The following CDKL5 variants were observed in gnomAD, a reference collection of about 807,000 sequenced individuals.
CDKL5 encodes cyclin-dependent kinase-like 5.
Under a neutral mutation model 61.7 loss-of-function variants are expected in CDKL5, and 8 were observed. The observed-to-expected ratio is 0.13, with a 90% CI of 0.08 to 0.23. The LOEUF (loss-of-function observed/expected upper bound fraction) is 0.23. CDKL5 is among the 10% of genes least tolerant of loss of function. CDKL5 has a pLI of 1.00. For synonymous variants in CDKL5, 275 were observed against 272.3 expected (o/e 1.01, Z -0.10); for missense variants, 440 against 734.5 (o/e 0.60, Z 4.63).
chrX:18,434,117 C>T (rs1427578144), intron 1 of CDKL5, among the ~76,000 whole-genome samples: 2 of 111,713 alleles, frequency 1.8e-5, no homozygotes, highest in Non-Finnish European at 3.8e-5. Context: ...AGCTTAGGAA[C>T]GGGAAGTCTC....
rs756046821 is a variant in CDKL5 at position 18,639,755 on chromosome X, A to G, written c.*10998A>G. ...AGAGTGGAAACCCAAATATCCATCA[A>G]TGGATGAATGGATAAATAACAATGT... On this transcript the variant is annotated 3_prime_UTR_variant, in exon 18 of 18. Coordinates refer to ENST00000623535, the MANE Select transcript of CDKL5 (RefSeq NM_001323289.2). Among the ~76,000 whole-genome samples the G allele has an allele frequency of 8.9e-6, 1 of 112,445 alleles. No homozygotes were observed. The highest frequency in any genetic ancestry group is 3.2e-5 in the African/African-American group (1 of 30,997).
chrX:18,617,863 T>G (rs1283223329), intron 15 of CDKL5, among the ~76,000 whole-genome samples: 2 of 112,041 alleles, frequency 1.8e-5, no homozygotes, highest in Non-Finnish European at 3.8e-5. Context: ...CTGTGGTTTA[T>G]CCAGTGCCTC....
At chrX:18,610,237 GTC>G (rs950190987) in intron 14 of CDKL5, among the ~76,000 whole-genome samples, 1 of 111,825 alleles carries the variant, frequency 8.9e-6, no homozygotes, top group Non-Finnish European at 1.9e-5. Flanking sequence ...CACCCCCCAG[GTC>G]TCTCTCGTAC....
rs1195931109 is a variant in CDKL5 at position 18,518,385 on chromosome X, C to CTTTTTTT, written c.99+7533_99+7534insTTTTTTT. 1.9e-3 allele frequency among the ~76,000 whole-genome samples: 44 copies of CTTTTTTT among 22,780 alleles called. 1 individual carries two copies. Among genetic ancestry groups the CTTTTTTT allele is most frequent in the African/African-American group, 6.2e-3 (41 of 6,576 alleles). 19.8% of individuals were successfully genotyped at this position (22,780 alleles called of 115,157 possible). A position where few individuals can be genotyped will look rare whatever the true frequency, so the allele number is the denominator to read the frequency against. On this transcript the variant is annotated intron_variant, in intron 3 of 17. Coordinates refer to ENST00000623535, the MANE Select transcript of CDKL5 (RefSeq NM_001323289.2). ...ATAAAGTCATGTTTTCTTTTCTTTT[C>CTTTTTTT]TTATTTTTTTTTTTTTTTTTTTTTT... is the stretch of plus-strand genomic sequence containing the variant.
chrX:18,486,258 A>T (rs1921789601), intron 1 of CDKL5, among the ~76,000 whole-genome samples: 2 of 111,800 alleles, frequency 1.8e-5, no homozygotes, highest in South Asian at 7.3e-4. Context: ...ATTAATTCAG[A>T]TATCACCTCT....
downstream of CDKL5, among the ~76,000 whole-genome samples, chrX:18,643,023 C>A (rs375623183): frequency 2.7e-4 from 30 of 111,546 alleles, no homozygotes; most frequent in Admixed American, 1.0e-3. Context: ...CCAGCCTGGG[C>A]AACAGAGTGA....
At position 18,638,754 on chromosome X, in the gene CDKL5, C is replaced by A. The variant is rs1927468877; in HGVS notation, c.*9997C>A. Among the ~76,000 whole-genome samples the A allele has an allele frequency of 8.9e-6, 1 of 111,817 alleles. No homozygotes were observed. Among genetic ancestry groups the A allele is most frequent in the South Asian group, 3.7e-4 (1 of 2,713 alleles). ...TAATTCATATGGAAATTCAAGGAAC[C>A]CAGAATAGCCAAAACAATCCCGAAG... On this transcript the variant is annotated 3_prime_UTR_variant, in exon 18 of 18. Coordinates refer to ENST00000623535, the MANE Select transcript of CDKL5 (RefSeq NM_001323289.2).
At chrX:18,597,521 T>TA (rs1368293457) in intron 10 of CDKL5, among the ~76,000 whole-genome samples, 2 of 109,142 alleles carry the variant, frequency 1.8e-5, no homozygotes, top group African/African-American at 6.7e-5. Flanking sequence ...ATGAAACTTT[T>TA]AAAAAAATGT....
intron 21 of CDKL5, among the ~76,000 whole-genome samples, chrX:18,652,596 G>A (rs1287703809): frequency 9.0e-6 from 1 of 111,284 alleles, no homozygotes; most frequent in Non-Finnish European, 1.9e-5. Flanking sequence ...TTGAACCCAG[G>A]AGGCAGAGCT....
intron 3 of CDKL5, among the ~76,000 whole-genome samples, chrX:18,521,905 G>A (rs1004166321): frequency 2.7e-5 from 3 of 112,288 alleles, no homozygotes; most frequent in African/African-American, 9.7e-5. Context: ...CTATGTGCCT[G>A]TCTTTATGTC....
chrX:18,498,165 A>G (rs1307973206), intron 1 of CDKL5, among the ~76,000 whole-genome samples: 1 of 110,694 alleles, frequency 9.0e-6, no homozygotes, highest in African/African-American at 3.3e-5. Context: ...CTTAGAGGTA[A>G]TTAATATCCT....
chrX:18,593,626 A>G (rs1017812998), intron 9 of CDKL5, among the ~76,000 whole-genome samples: 1 of 111,821 alleles, frequency 8.9e-6, no homozygotes, highest in Non-Finnish European at 1.9e-5. Context: ...TGCAAATACT[A>G]GTTCTACTGC....
downstream of CDKL5, chrX:18,642,024 A>C (rs281865369): frequency 8.3e-7 from 1 of 1,210,957 alleles, no homozygotes; most frequent in African/African-American, 1.7e-5. Context: ...TTGCTGACGC[A>C]CTCCAGCAGC....
chrX:18,499,521 C>T (rs916396510), intron 1 of CDKL5, among the ~76,000 whole-genome samples: 1 of 110,038 alleles, frequency 9.1e-6, no homozygotes, highest in African/African-American at 3.3e-5. Flanking sequence ...CCACAATGCC[C>T]GGCTAATTTT....
intron 3 of CDKL5, among the ~76,000 whole-genome samples, chrX:18,519,651 A>G (rs1315798838): frequency 9.0e-6 from 1 of 111,500 alleles, no homozygotes; most frequent in African/African-American, 3.3e-5. Flanking sequence ...CATATAGTCT[A>G]TTTACCTTCT....
chrX:18,437,762 G>A (rs1159553178), intron 1 of CDKL5, among the ~76,000 whole-genome samples: 1 of 112,014 alleles, frequency 8.9e-6, no homozygotes, highest in African/African-American at 3.2e-5. Flanking sequence ...TGCTATAAAG[G>A]TGTTATTTTT....
intron 10 of CDKL5, 125 bp downstream of exon 10, chrX:18,595,553 G>A: frequency 4.0e-6 from 2 of 502,854 alleles, no homozygotes; most frequent in South Asian, 2.7e-5. Flanking sequence ...CAAATAATGG[G>A]GAACTATGTC....
In CDKL5 at chrX:18,446,691, T is replaced by A. The variant is rs1053211427; in HGVS notation, c.-163+20996T>A. Among the ~76,000 whole-genome samples, 3 of 111,721 alleles carry A rather than the reference T, an allele frequency of 2.7e-5. No individual in the cohort carries two copies. In the Admixed American group the frequency reaches 2.9e-4, roughly 11 times the overall value. ...GGAGTATGCTGTTTTCCAACCCCAGTCGGTATTCCCTGGTGTGACCTGCCA... is the reference window on the plus strand; with the variant it reads ...GGAGTATGCTGTTTTCCAACCCCAGACGGTATTCCCTGGTGTGACCTGCCA... On this transcript the variant is annotated intron_variant, in intron 1 of 17. Coordinates refer to ENST00000623535, the MANE Select transcript of CDKL5 (RefSeq NM_001323289.2).
intron 12 of CDKL5, among the ~76,000 whole-genome samples, chrX:18,608,532 T>C (rs1361151371): frequency 9.0e-6 from 1 of 111,423 alleles, no homozygotes; most frequent in Non-Finnish European, 1.9e-5. Flanking sequence ...ATTAGAATGG[T>C]AATTTTTTTT....
Sources: gnomAD v4.1 joint callset for allele counts (sites outside exome capture counted in the v4.1 genomes callset) on GRCh38, gnomAD v4.1.1 for gene constraint, MANE v1.5 for transcripts, NCBI Gene and HGNC (gene_info 2026-07-23, HGNC 2026-07-21) for gene names.